DGKG: variants seen among roughly 807,000 people sequenced by gnomAD.
DGKG encodes DAG kinase gamma.
DGKG carries 78 observed loss-of-function variants against 105.3 expected under a neutral mutation model. The ratio of observed to expected loss-of-function variants is 0.74; its 90% CI spans 0.62 to 0.89. DGKG has a LOEUF of 0.89. DGKG is among the 40% of genes least tolerant of loss of function. DGKG has a pLI of 0.00. For synonymous variants in DGKG, 346 were observed against 367.1 expected, an observed-to-expected ratio of 0.94 and a Z score of 0.66; for missense variants, 958 against 1,020.1, an observed-to-expected ratio of 0.94 and a Z score of 0.83.
In DGKG at chr3:186,147,241, T is replaced by TG. The variant is rs1379646675; in HGVS notation, c.*2848dup. 2.0e-6 allele frequency: 2 copies of TG among 985,922 alleles called. No homozygotes were observed. Among genetic ancestry groups the TG allele is most frequent in the African/African-American group, 1.7e-5 (1 of 57,336 alleles). The allele number at this position is 985,922 out of a possible 1,614,324, so 61.1% of individuals were successfully genotyped here. A position where few individuals can be genotyped will look rare whatever the true frequency, so the allele number is the denominator to read the frequency against. On this transcript the variant is annotated 3_prime_UTR_variant, in exon 25 of 25. Coordinates refer to ENST00000265022, the MANE Select transcript of DGKG (RefSeq NM_001346.3). ...TTTTATTGCTGTTGGGGTAGAAGCA[T>TG]GGGGGGCAGGTGAGAACATGTTTGT...
chr3:186,208,274 TCAGGTGATC>T (rs991808617), intron 21 of DGKG, among the ~76,000 whole-genome samples: 1 of 152,064 alleles, frequency 6.6e-6, no homozygotes, highest in Non-Finnish European at 1.5e-5. Context: ...ACTCCTGACC[TCAGGTGATC>T]CACCCACCTT....
chr3:186,337,365 T>C (rs560010377), intron 1 of DGKG, among the ~76,000 whole-genome samples: 1 of 152,114 alleles, frequency 6.6e-6, no homozygotes, highest in African/African-American at 2.4e-5. Flanking sequence ...TCTCAATATA[T>C]GTAGAAAAAA....
intron 22 of DGKG, among the ~76,000 whole-genome samples, chr3:186,187,366 T>C (rs1310529348): frequency 6.6e-6 from 1 of 152,210 alleles, no homozygotes; most frequent in Admixed American, 6.5e-5. Context: ...ATGGACTGGC[T>C]GTGAGCCGTG....
intron 19 of DGKG, among the ~76,000 whole-genome samples, chr3:186,249,353 G>A (rs905467740): frequency 3.9e-5 from 6 of 152,090 alleles, no homozygotes; most frequent in East Asian, 3.9e-4. Flanking sequence ...AAAGAGCACC[G>A]GATTAGGAGT....
chr3:186,339,342 G>T (rs1206830473), intron 1 of DGKG, among the ~76,000 whole-genome samples: 2 of 152,126 alleles, frequency 1.3e-5, no homozygotes, highest in African/African-American at 4.8e-5. Flanking sequence ...GGAGCTCAGA[G>T]AAAGAAGAGC....
At chr3:186,321,787 G>A (rs753484578) in intron 1 of DGKG, among the ~76,000 whole-genome samples, 17 of 152,072 alleles carry the variant, frequency 1.1e-4, no homozygotes, top group Non-Finnish European at 2.2e-4. Context: ...AGATGCTGGA[G>A]AGAGAGAGAT....
At chr3:186,280,498 C>A (rs574608405) in intron 8 of DGKG, among the ~76,000 whole-genome samples, 172 bp downstream of exon 8, 1 of 152,160 alleles carries the variant, frequency 6.6e-6, no homozygotes. Context: ...CTGCTGCCTA[C>A]ATTTTTCCTA....
intron 10 of DGKG, 72 bp from the exon 11 acceptor site, chr3:186,272,415 C>G (rs1320135262): frequency 2.7e-6 from 3 of 1,111,320 alleles, no homozygotes; most frequent in Non-Finnish European, 4.1e-6. Context: ...CCCTCCCACC[C>G]TAGCCAAGGT....
intron 2 of DGKG, among the ~76,000 whole-genome samples, chr3:186,307,213 C>T (rs913801987): frequency 6.6e-6 from 1 of 152,228 alleles, no homozygotes; most frequent in Non-Finnish European, 1.5e-5. Context: ...CATATCCCTA[C>T]TCAAAACCAT....
intron 2 of DGKG, among the ~76,000 whole-genome samples, chr3:186,311,113 T>C (rs1486733777): frequency 1.3e-5 from 2 of 152,178 alleles, no homozygotes; most frequent in Non-Finnish European, 1.5e-5. Flanking sequence ...GGGAGCTCTA[T>C]ACACACTGTA....
At chr3:186,191,800 C>G (rs1430364678) in intron 21 of DGKG, among the ~76,000 whole-genome samples, 1 of 152,186 alleles carries the variant, frequency 6.6e-6, no homozygotes, top group East Asian at 1.9e-4. Context: ...TGTACAGTTT[C>G]CTGAAAGCAT....
chr3:186,292,663 G>C (rs9854782), intron 5 of DGKG, among the ~76,000 whole-genome samples: 14 of 139,468 alleles, frequency 1.0e-4, no homozygotes, highest in Non-Finnish European at 1.7e-5. Context: ...GCGTGGTGGC[G>C]GGTGCCTGTA....
At chr3:186,306,865 G>A (rs1279443541) in intron 3 of DGKG, 36 bp downstream of exon 3, 4 of 1,411,004 alleles carry the variant, frequency 2.8e-6, no homozygotes, top group Non-Finnish European at 4.0e-6. Context: ...AAAAAACACA[G>A]GGGTTTTTAA....
At chr3:186,297,940 G>C (rs1330699569) in intron 4 of DGKG, 124 bp downstream of exon 4, 1 of 1,140,756 alleles carries the variant, frequency 8.8e-7, no homozygotes, top group African/African-American at 1.6e-5. Context: ...CTGTCCCTTG[G>C]TTCATGTTCG....
chr3:186,337,094 A>G (rs1013960526), intron 1 of DGKG, among the ~76,000 whole-genome samples: 1 of 152,230 alleles, frequency 6.6e-6, no homozygotes, highest in African/African-American at 2.4e-5. Context: ...AAACCATTCC[A>G]GAGCATAGAA....
In DGKG at chr3:186,361,614, A is replaced by T. The variant is rs185358647; in HGVS notation, c.-249+332T>A. On this transcript the variant is annotated intron_variant, in intron 1 of 24. Coordinates refer to ENST00000265022, the MANE Select transcript of DGKG (RefSeq NM_001346.3). This position sits in a 1 kb window ranked among gnomAD's most constrained non-coding sequence, Gnocchi z 6.8. ...TCAAGGAGCCAAGGTTAAGTCCAGAAGAAGAAGGAAATCCGACCAGTTGCT... is the reference window on the plus strand; with the variant it reads ...TCAAGGAGCCAAGGTTAAGTCCAGATGAAGAAGGAAATCCGACCAGTTGCT... Among the ~76,000 whole-genome samples, 27 of 152,296 alleles carry T rather than the reference A, an allele frequency of 1.8e-4. No homozygotes were observed. The highest frequency in any genetic ancestry group is 5.3e-4 in the African/African-American group (22 of 41,580).
intron 1 of DGKG, among the ~76,000 whole-genome samples, chr3:186,351,057 A>G (rs1390341057): frequency 5.9e-5 from 9 of 152,102 alleles, no homozygotes; most frequent in Admixed American, 5.9e-4. Context: ...CTGATGCTTT[A>G]CCTTTGGAGA....
At chr3:186,356,757 G>A (rs550981059) in intron 1 of DGKG, among the ~76,000 whole-genome samples, 2 of 152,262 alleles carry the variant, frequency 1.3e-5, no homozygotes, top group African/African-American at 4.8e-5. Context: ...AAAGGGCGTT[G>A]GCCAGGGATT....
At chr3:186,160,089 G>T (rs1716222289) in intron 24 of DGKG, 18 of 586,012 alleles carry the variant, frequency 3.1e-5, no homozygotes, top group Non-Finnish European at 3.8e-5. Flanking sequence ...TTCTATTATG[G>T]CACTCAAAGC....
Sources: gnomAD v4.1 joint callset for allele counts (sites outside exome capture counted in the v4.1 genomes callset) on GRCh38, gnomAD v4.1.1 for gene constraint, Gnocchi (gnomAD v3.1) non-coding constraint, MANE v1.5 for transcripts, NCBI Gene and HGNC (gene_info 2026-07-23, HGNC 2026-07-21) for gene names.